CPVL: variants seen among roughly 807,000 people sequenced by gnomAD.
The protein encoded by CPVL is carboxypeptidase vitellogenic like.
CPVL carries 51 observed loss-of-function variants against 63.7 expected under a neutral mutation model. The observed-to-expected ratio is 0.80, with a 90% confidence interval of 0.64 to 1.01. The LOEUF (loss-of-function observed/expected upper bound fraction) is 1.01, where lower values mean the gene tolerates loss of function less well. Among genes scored for constraint, CPVL ranks in the 50% least tolerant of loss-of-function variants. The pLI, the probability that CPVL is intolerant of heterozygous loss-of-function variation, is 0.00. For missense variants in CPVL, 530 were observed against 573.1 expected (o/e 0.92, Z 0.77); for synonymous variants, 195 against 206.0 (o/e 0.95, Z 0.46).
intron 12 of CPVL, among the ~76,000 whole-genome samples, chr7:29,013,982 T>C (rs1317164232): frequency 2.0e-5 from 3 of 152,236 alleles, no homozygotes; most frequent in Non-Finnish European, 4.4e-5. Context: ...ACAGTTTTAT[T>C]TCTCCCTTGG....
At position 29,007,098 on chromosome 7, in the gene CPVL, A is replaced by T. The variant is rs1277586996; in HGVS notation, c.1321-11216T>A. ...ACTTCTCAGTATTTATCCGCTTTCC[A>T]TTTAATGAAATGGCTCTCTGTTAAA... On this transcript the variant is annotated intron_variant, in intron 12 of 12. Coordinates refer to ENST00000265394, the MANE Select transcript of CPVL (RefSeq NM_031311.5). Among the ~76,000 whole-genome samples, 4 of 152,350 alleles carry T rather than the reference A, an allele frequency of 2.6e-5. No homozygotes were observed. The South Asian group carries it at 6.2e-4, about 24-fold the overall frequency.
At chr7:29,119,910 T>C (rs1314158090) in intron 2 of CPVL, among the ~76,000 whole-genome samples, 1 of 152,138 alleles carries the variant, frequency 6.6e-6, no homozygotes, top group African/African-American at 2.4e-5. Flanking sequence ...CTCCCCGGGA[T>C]GTTGAGATGT....
At chr7:29,125,788 T>C (rs192016322) in intron 1 of CPVL, among the ~76,000 whole-genome samples, 1 of 152,354 alleles carries the variant, frequency 6.6e-6, no homozygotes, top group Admixed American at 6.5e-5. Context: ...ATCCCTTTTA[T>C]GGATTGTTAA....
intron 7 of CPVL, among the ~76,000 whole-genome samples, chr7:29,073,172 C>T (rs1268862026): frequency 1.3e-5 from 2 of 152,196 alleles, no homozygotes; most frequent in African/African-American, 4.8e-5. Flanking sequence ...ATCCCCAACC[C>T]TGAGGCAGCC....
intron 1 of CPVL, among the ~76,000 whole-genome samples, chr7:29,132,610 T>C (rs1182699902): frequency 6.6e-6 from 1 of 152,162 alleles, no homozygotes; most frequent in African/African-American, 2.4e-5. Flanking sequence ...GCATCAGTCA[T>C]AGGAAACCCA....
chr7:29,071,556 T>C (rs1019390032), intron 9 of CPVL, among the ~76,000 whole-genome samples: 7 of 152,192 alleles, frequency 4.6e-5, no homozygotes, highest in Non-Finnish European at 8.8e-5. Flanking sequence ...CAAGATGATC[T>C]CAGGCTTAAA....
chr7:29,071,421 C>T (rs1336209669), intron 9 of CPVL, among the ~76,000 whole-genome samples: 1 of 152,216 alleles, frequency 6.6e-6, no homozygotes, highest in East Asian at 1.9e-4. Context: ...GATGGTGAAG[C>T]ATATGCCTCT....
intron 5 of CPVL, among the ~76,000 whole-genome samples, chr7:29,164,361 G>A (rs1795617967): frequency 6.6e-6 from 1 of 152,034 alleles, no homozygotes; most frequent in African/African-American, 2.4e-5. Context: ...TTATTAAGTT[G>A]TAAGGGTTTA....
intron 1 of CPVL, among the ~76,000 whole-genome samples, chr7:29,137,165 G>A (rs1475084019): frequency 6.6e-6 from 1 of 152,194 alleles, no homozygotes; most frequent in Admixed American, 6.5e-5. Flanking sequence ...GCCATCTCAT[G>A]CCAAGATTAA....
intron 1 of CPVL, chr7:29,128,070 A>C (rs1197507855): frequency 6.7e-6 from 1 of 150,362 alleles, no homozygotes; most frequent in African/African-American, 2.4e-5. Flanking sequence ...TTCTCCCCTT[A>C]CAGTTTCTGG....
upstream of CPVL, among the ~76,000 whole-genome samples, chr7:29,149,615 T>C (rs1462953051): frequency 6.6e-6 from 1 of 152,148 alleles, no homozygotes; most frequent in Non-Finnish European, 1.5e-5. Flanking sequence ...CTATTAACAG[T>C]AGAAATTTAT....
Position 29,066,080 on chromosome 7 carries a change from A to G in CPVL, c.906T>C (p.Pro302=). ...KLLDGDLTSD[P]SYFQNVTGCS... is the part of the protein sequence containing the mutation. ...ATCCTGTAACATTCTGGAAGTAAGA[A>G]GGATCACTTGTTAAGTCGCCATCTA... Residue 302 remains proline (P), a synonymous_variant, in exon 10 of 13, where the codon CCT becomes CCC. Transcript: ENST00000265394. 2 of 1,608,672 alleles carry G rather than the reference A, an allele frequency of 1.2e-6. No individual in the cohort carries two copies. The highest frequency in any genetic ancestry group is 1.7e-6 in the Non-Finnish European group (2 of 1,176,540).
intron 1 of CPVL, among the ~76,000 whole-genome samples, chr7:29,127,773 G>A (rs764982579): frequency 6.6e-6 from 1 of 152,094 alleles, no homozygotes; most frequent in Non-Finnish European, 1.5e-5. Flanking sequence ...ATGTCACACC[G>A]AGGCTGAAAG....
chr7:29,180,316 G>A (rs1562811729), intron 5 of CPVL, among the ~76,000 whole-genome samples: 1 of 152,104 alleles, frequency 6.6e-6, no homozygotes, highest in Non-Finnish European at 1.5e-5. Context: ...ACAAGGTCAG[G>A]ACAGATTGAG....
chr7:29,085,611 G>C (rs933175921), intron 7 of CPVL, among the ~76,000 whole-genome samples: 3 of 152,196 alleles, frequency 2.0e-5, no homozygotes, highest in African/African-American at 4.8e-5. Flanking sequence ...TGAGGAAACA[G>C]TGTTTGAATG....
chr7:29,079,341 A>G (rs140684249), intron 7 of CPVL, among the ~76,000 whole-genome samples: 96 of 152,304 alleles, frequency 6.3e-4, no homozygotes, highest in African/African-American at 2.2e-3. Flanking sequence ...CTGCACCACT[A>G]GCTCATTTCT....
At chr7:29,084,301 GGA>G (rs1785010053) in intron 7 of CPVL, among the ~76,000 whole-genome samples, 1 of 152,150 alleles carries the variant, frequency 6.6e-6, no homozygotes, top group African/African-American at 2.4e-5. Flanking sequence ...TGTCCCCACT[GGA>G]GAGTCTTTGC....
intron 5 of CPVL, among the ~76,000 whole-genome samples, chr7:29,157,852 C>A (rs1485328597): frequency 6.6e-6 from 1 of 152,058 alleles, no homozygotes; most frequent in South Asian, 2.1e-4. Flanking sequence ...AAAAATCCTT[C>A]TATGTAGATT....
At chr7:29,017,838 T>C (rs1391595048) in intron 12 of CPVL, among the ~76,000 whole-genome samples, 1 of 152,252 alleles carries the variant, frequency 6.6e-6, no homozygotes, top group Non-Finnish European at 1.5e-5. Context: ...GTAGTGGATA[T>C]GCTTGTGAAG....
Sources: gnomAD v4.1 joint callset for allele counts (sites outside exome capture counted in the v4.1 genomes callset) on GRCh38, gnomAD v4.1.1 for gene constraint, MANE v1.5 for transcripts, NCBI Gene and HGNC (gene_info 2026-07-23, HGNC 2026-07-21) for gene names.